Variants in OSBPL3 observed in about 807,000 individuals in gnomAD.
OSBPL3 encodes oxysterol binding protein like 3, also known as oxysterol-binding protein-related protein 3.
Under a neutral mutation model 120.1 loss-of-function variants are expected in OSBPL3, and 65 were observed. That is an observed-to-expected ratio of 0.54 (90% CI 0.44 to 0.67). OSBPL3 has a LOEUF of 0.67. Ranked by LOEUF, OSBPL3 falls within the 30% of genes least tolerant of loss-of-function variation. The pLI is 0.00. For synonymous variants in OSBPL3, 416 were observed against 402.6 expected (o/e 1.03, Z -0.40); for missense variants, 1,004 against 1,082.1 (o/e 0.93, Z 1.01).
rs1015073878 is a variant in OSBPL3 at position 24,964,642 on chromosome 7, G to A, written c.-150+15244C>T. On this transcript the variant is annotated intron_variant, in intron 1 of 22. Coordinates refer to ENST00000313367, the MANE Select transcript of OSBPL3 (RefSeq NM_015550.4). The surrounding 1 kb of genome is among the most constrained non-coding windows in gnomAD (Gnocchi z 4.2). ...AGAACCCCACATGGAGTCCTGGAAC[G>A]GCAAAAGGACACTAAGGAAAAGCTA... Among the ~76,000 whole-genome samples, 22 of 152,158 alleles carry A rather than the reference G, an allele frequency of 1.4e-4. No homozygotes were observed. The highest frequency in any genetic ancestry group is 1.4e-3 in the Admixed American group (21 of 15,272).
chr7:24,874,582 G>C lies in OSBPL3; in HGVS notation c.97-2513C>G, dbSNP rs77112913. 7.2e-3 allele frequency among the ~76,000 whole-genome samples: 1,094 copies of C among 152,212 alleles called. 7 individuals carry two copies. The highest frequency in any genetic ancestry group is 0.014 in the Middle Eastern group (4 of 294). On this transcript the variant is annotated intron_variant, in intron 2 of 22. Transcript: ENST00000313367. The stretch of plus-strand genomic sequence containing the variant: ...GGACTGTTCCTCCTCCTGAGACAGA[G>C]TGCATTCCTATCAGTGACCCACCAA...
chr7:24,939,778 A>C lies in OSBPL3; in HGVS notation c.-150+40108T>G, dbSNP rs1812862267. Among the ~76,000 whole-genome samples, 1 of 152,170 alleles carries C rather than the reference A, an allele frequency of 6.6e-6. No homozygotes were observed. Among genetic ancestry groups the C allele is most frequent in the African/African-American group, 2.4e-5 (1 of 41,442 alleles). On this transcript the variant is annotated intron_variant, in intron 1 of 22. Coordinates refer to ENST00000313367, the MANE Select transcript of OSBPL3 (RefSeq NM_015550.4). This position sits in a 1 kb window ranked among gnomAD's most constrained non-coding sequence, Gnocchi z 4.2. The stretch of plus-strand genomic sequence containing the variant: ...GTGAAGATTTAGAATGGAATGACCC[A>C]GTTCAGTCACTGAGAAGGGGGAAAA...
At chr7:24,848,370 AG>A (rs1405621729) in intron 12 of OSBPL3, among the ~76,000 whole-genome samples, 4 of 152,258 alleles carry the variant, frequency 2.6e-5, no homozygotes, top group African/African-American at 9.6e-5. Flanking sequence ...TATCTGAAGC[AG>A]GCATTTAATA....
rs1192568218 is a variant in OSBPL3, at chr7:24,834,599, T to A, written c.1633A>T (p.Met545Leu). 6.2e-7 allele frequency: 1 copy of A among 1,614,108 alleles called. No individual in the cohort carries two copies. The highest frequency in any genetic ancestry group is 1.3e-5 in the African/African-American group (1 of 74,932). The change falls in exon 15 of 23, where the codon ATG becomes TTG. Residue 545 changes from methionine (M) to leucine (L), a missense_variant. Around this residue, in one of 4 missense-constraint regions of OSBPL3, gnomAD observed 473 missense variants for 568.0 expected, o/e 0.83. Transcript: ENST00000313367. This position sits in a 1 kb window ranked among gnomAD's most constrained non-coding sequence, Gnocchi z 5.2. The stretch of plus-strand genomic sequence containing the variant: ...AGGGGCTCGTTCAGCTCCACCGGCA[T>A]GGCCACCTTGGACAGGTCCTTCCCG... The part of the protein sequence containing the change: ...NIGKDLSKVA[M>L]PVELNEPLNT...
intron 1 of OSBPL3, among the ~76,000 whole-genome samples, chr7:24,923,164 C>T (rs1810609810): frequency 6.6e-6 from 1 of 152,128 alleles, no homozygotes; most frequent in Non-Finnish European, 1.5e-5. Flanking sequence ...TAGAAAGGGC[C>T]ATCACTAGGC....
intron 19 of OSBPL3, among the ~76,000 whole-genome samples, chr7:24,811,220 G>A (rs916466937): frequency 2.0e-5 from 3 of 152,168 alleles, no homozygotes; most frequent in Admixed American, 1.3e-4. Context: ...CATTCTAACA[G>A]ATATGAGGTG....
At chr7:24,978,129 C>G (rs1007158491) in intron 1 of OSBPL3, among the ~76,000 whole-genome samples, 6 of 152,198 alleles carry the variant, frequency 3.9e-5, no homozygotes, top group African/African-American at 1.2e-4. Context: ...ACAGGTTAAC[C>G]TGCTGGACCC....
chr7:24,963,394 G>A (rs1816006632), intron 1 of OSBPL3, among the ~76,000 whole-genome samples: 1 of 152,198 alleles, frequency 6.6e-6, no homozygotes, highest in African/African-American at 2.4e-5. Context: ...GTGCCACTCT[G>A]TGGGTCTGTA....
rs1235823947 is a variant in OSBPL3, at chr7:24,894,546, T to C, written c.-149-1925A>G. Among the ~76,000 whole-genome samples, 3 of 151,616 alleles carry C rather than the reference T, an allele frequency of 2.0e-5. No homozygotes were observed. The highest frequency in any genetic ancestry group is 6.6e-5 in the Admixed American group (1 of 15,216). On this transcript the variant is annotated intron_variant, in intron 1 of 22. Coordinates refer to ENST00000313367, the MANE Select transcript of OSBPL3 (RefSeq NM_015550.4). The surrounding 1 kb of genome is among the most constrained non-coding windows in gnomAD (Gnocchi z 4.1). ...AAAACCTGGTGGGAGCCCCAAATGA[T>C]GAAATGTGTGTCTGTGCTTGGGGCG... is the stretch of plus-strand genomic sequence containing the variant.
At chr7:24,842,181 G>C in intron 13 of OSBPL3, 98 bp downstream of exon 13, 1 of 1,273,998 alleles carries the variant, frequency 7.8e-7, no homozygotes. Context: ...GGGCAACTGA[G>C]TTTAGTGTTT....
At chr7:24,897,558 C>T (rs980843978) in intron 1 of OSBPL3, among the ~76,000 whole-genome samples, 1 of 151,942 alleles carries the variant, frequency 6.6e-6, no homozygotes, top group African/African-American at 2.4e-5. Context: ...ATCTCCTGAC[C>T]TCGTGATCCG....
intron 1 of OSBPL3, among the ~76,000 whole-genome samples, chr7:24,893,107 G>T (rs1311170237): frequency 6.6e-6 from 1 of 152,164 alleles, no homozygotes; most frequent in Non-Finnish European, 1.5e-5. Flanking sequence ...ATATGATCCA[G>T]TAATTCCAAT....
intron 16 of OSBPL3, among the ~76,000 whole-genome samples, chr7:24,825,187 C>G (rs911496459): frequency 4.5e-4 from 69 of 152,254 alleles, no homozygotes; most frequent in African/African-American, 1.6e-3. Context: ...AAACAGGAGA[C>G]CAGTAGTGAG....
At chr7:24,958,169 G>C (rs1815295780) in intron 1 of OSBPL3, among the ~76,000 whole-genome samples, 1 of 152,092 alleles carries the variant, frequency 6.6e-6, no homozygotes, top group Admixed American at 6.5e-5. Context: ...TAGAGGTTTA[G>C]AGCAATTTAC....
chr7:24,830,583 T>G lies in OSBPL3; in HGVS notation c.1884+185A>C, dbSNP rs1796242726. ...TGCAGAATTACGGGTGGTAACTTTA[T>G]GCCCCTGGGTGGTGGCTTGGCTTCA... On this transcript the variant is annotated intron_variant, in intron 16 of 22. Transcript: ENST00000313367. This position sits in a 1 kb window ranked among gnomAD's most constrained non-coding sequence, Gnocchi z 4.4. Among the ~76,000 whole-genome samples, 3 of 152,196 alleles carry G rather than the reference T, an allele frequency of 2.0e-5. No individual in the cohort carries two copies. In the South Asian group the frequency reaches 6.2e-4, roughly 32 times the overall value.
intron 1 of OSBPL3, among the ~76,000 whole-genome samples, chr7:24,957,171 T>C (rs886798891): frequency 6.6e-6 from 1 of 151,230 alleles, no homozygotes; most frequent in Non-Finnish European, 1.5e-5. Flanking sequence ...AGGGGGCCAA[T>C]ACTATTAAAG....
At chr7:24,845,328 C>T (rs73272231) in intron 12 of OSBPL3, among the ~76,000 whole-genome samples, 5,117 of 141,532 alleles carry the variant, frequency 0.036, 284 homozygotes, top group African/African-American at 0.12. Context: ...CTGCATGGGA[C>T]CTCCCTCTGC....
At chr7:24,902,939 C>T (rs973616730) in intron 1 of OSBPL3, among the ~76,000 whole-genome samples, 2 of 152,126 alleles carry the variant, frequency 1.3e-5, no homozygotes, top group East Asian at 1.9e-4. Flanking sequence ...TGCTCCAATT[C>T]TCTCAACTAT....
chr7:24,979,631 C>T (rs1464775016), intron 1 of OSBPL3, among the ~76,000 whole-genome samples: 1 of 152,112 alleles, frequency 6.6e-6, no homozygotes, highest in Non-Finnish European at 1.5e-5. Context: ...GGCGGTCAAT[C>T]CTCTGAGCCG....
Sources: gnomAD v4.1 joint callset for allele counts (sites outside exome capture counted in the v4.1 genomes callset) on GRCh38, gnomAD v4.1.1 for gene constraint, gnomAD v4.1.1 regional missense constraint, Gnocchi (gnomAD v3.1) non-coding constraint, MANE v1.5 for transcripts, NCBI Gene and HGNC (gene_info 2026-07-23, HGNC 2026-07-21) for gene names.